METTL24: variants seen among roughly 807,000 people sequenced by gnomAD.
METTL24 encodes the protein methyltransferase like 24.
METTL24 carries 29 observed loss-of-function variants against 32.7 expected under a neutral mutation model. The ratio of observed to expected loss-of-function variants is 0.89; its 90% CI spans 0.66 to 1.21. METTL24 has a LOEUF of 1.21. METTL24 is among the 50% of genes most tolerant of loss of function. The pLI is 0.00. For missense variants in METTL24, 439 were observed against 468.1 expected (o/e 0.94, Z 0.57); for synonymous variants, 163 against 179.5 (o/e 0.91, Z 0.73).
rs545674130 is a variant in METTL24 at position 110,349,435 on chromosome 6, C to G, written c.318+8520G>C. On this transcript the variant is annotated intron_variant, in intron 1 of 4. Transcript: ENST00000338882. ...ATGCAGTGACAGCACAGAGCAGCAC[C>G]CCACACCCGCAACAGATATCTGGCA... Among the ~76,000 whole-genome samples the G allele has an allele frequency of 1.3e-3, 198 of 151,320 alleles. 1 individual carries two copies. Among genetic ancestry groups the G allele is most frequent in the Non-Finnish European group, 4.0e-4 (27 of 68,026 alleles).
rs1268128866 is a variant in METTL24 at position 110,299,077 on chromosome 6, T to C, written c.631A>G (p.Ser211Gly). ...NGCEVHRFDP[S>G]VKSAHILESQ... The stretch of plus-strand genomic sequence containing the variant: ...TCCAGAATGTGAGCTGACTTGACAC[T>C]AGGATCAAAACGATGCACTTCACAT... Residue 211 changes from serine (S) to glycine (G), a missense_variant, in exon 4 of 5, where the codon AGT becomes GGT. Coordinates refer to ENST00000338882, the MANE Select transcript of METTL24 (RefSeq NM_001123364.3). The C allele has an allele frequency of 1.9e-6, 3 of 1,614,158 alleles. No individual in the cohort carries two copies. Among genetic ancestry groups the C allele is most frequent in the Non-Finnish European group, 2.5e-6 (3 of 1,180,028 alleles).
intron 4 of METTL24, among the ~76,000 whole-genome samples, chr6:110,258,278 C>T (rs543246997): frequency 1.3e-5 from 2 of 152,136 alleles, no homozygotes; most frequent in Non-Finnish European, 2.9e-5. Context: ...AAATTTGGTA[C>T]AAGAAATATA....
intron 1 of METTL24, among the ~76,000 whole-genome samples, chr6:110,352,633 G>C (rs1372045201): frequency 2.0e-5 from 3 of 150,348 alleles, no homozygotes; most frequent in African/African-American, 7.4e-5. Flanking sequence ...CATTAATGGA[G>C]CTCATGTGAG....
intron 2 of METTL24, among the ~76,000 whole-genome samples, chr6:110,320,780 C>A (rs1771917908): frequency 6.6e-6 from 1 of 152,090 alleles, no homozygotes; most frequent in Non-Finnish European, 1.5e-5. Context: ...GGTTAATAAC[C>A]ATTCTATACT....
At chr6:110,344,348 T>C (rs757946617) in intron 1 of METTL24, among the ~76,000 whole-genome samples, 5 of 152,148 alleles carry the variant, frequency 3.3e-5, no homozygotes, top group Non-Finnish European at 7.3e-5. Context: ...AAGTTTTTTC[T>C]CACCCACCCT....
intron 4 of METTL24, among the ~76,000 whole-genome samples, chr6:110,265,312 A>G (rs1289936150): frequency 2.0e-5 from 3 of 152,162 alleles, no homozygotes; most frequent in Non-Finnish European, 2.9e-5. Flanking sequence ...ATTAATACAA[A>G]TTCAGATCCT....
chr6:110,267,649 TG>T (rs1199593361), intron 4 of METTL24, among the ~76,000 whole-genome samples: 1 of 152,222 alleles, frequency 6.6e-6, no homozygotes, highest in African/African-American at 2.4e-5. Flanking sequence ...TTTAAGCATT[TG>T]CTCTGTGTTC....
intron 4 of METTL24, among the ~76,000 whole-genome samples, chr6:110,281,534 AG>A (rs1771135840): frequency 1.3e-5 from 2 of 152,008 alleles, no homozygotes; most frequent in Non-Finnish European, 2.9e-5. Context: ...CCAGCCACTA[AG>A]GAGGCTGAGG....
At chr6:110,296,567 A>G (rs1463558713) in intron 4 of METTL24, among the ~76,000 whole-genome samples, 1 of 152,362 alleles carries the variant, frequency 6.6e-6, no homozygotes, top group East Asian at 1.9e-4. Context: ...TTCTGTCACT[A>G]TCTCAGAATA....
intron 1 of METTL24, among the ~76,000 whole-genome samples, chr6:110,323,592 G>A (rs1299273996): frequency 2.6e-5 from 4 of 152,246 alleles, no homozygotes; most frequent in Non-Finnish European, 4.4e-5. Flanking sequence ...ATGGTCTGGA[G>A]GAAACAAAAA....
At chr6:110,295,794 A>AAAGAAAGGAAGGAAGG (rs375674093) in intron 4 of METTL24, among the ~76,000 whole-genome samples, 2 of 136,244 alleles carry the variant, frequency 1.5e-5, no homozygotes, top group African/African-American at 6.0e-5. Context: ...AGAAAGAAAG[A>AAAGAAAGGAAGGAAGG]AAGGAAGGAA....
intron 4 of METTL24, among the ~76,000 whole-genome samples, chr6:110,259,489 C>T (rs999948327): frequency 6.6e-6 from 1 of 152,360 alleles, no homozygotes; most frequent in East Asian, 1.9e-4. Flanking sequence ...TGGGTGGAGC[C>T]CACCACAGCT....
At chr6:110,302,431 A>T (rs1337436266) in intron 3 of METTL24, among the ~76,000 whole-genome samples, 2 of 136,826 alleles carry the variant, frequency 1.5e-5, no homozygotes, top group African/African-American at 5.9e-5. Context: ...ATATACACAC[A>T]CATATGTGTA....
At chr6:110,340,061 T>G (rs1772321688) in intron 1 of METTL24, among the ~76,000 whole-genome samples, 2 of 152,204 alleles carry the variant, frequency 1.3e-5, no homozygotes, top group African/African-American at 4.8e-5. Context: ...GAACAGGCAC[T>G]TATTTACAAA....
chr6:110,265,845 C>CTCCTCT lies in METTL24; in HGVS notation c.787-19591_787-19586dup. On this transcript the variant is annotated intron_variant, in intron 4 of 4. Transcript: ENST00000338882. The stretch of plus-strand genomic sequence containing the variant: ...AGAAAATTTTTCTTTTTTATTCCTC[C>CTCCTCT]TCCTCTTCCTCTTCCTCCTCCTCCT... Among the ~76,000 whole-genome samples the CTCCTCT allele has an allele frequency of 2.0e-5, 3 of 151,790 alleles. No homozygotes were observed. In the Middle Eastern group the frequency reaches 0.01, roughly 516 times the overall value.
At chr6:110,283,799 A>G (rs1771176397) in intron 4 of METTL24, among the ~76,000 whole-genome samples, 3 of 152,200 alleles carry the variant, frequency 2.0e-5, no homozygotes, top group Admixed American at 1.3e-4. Context: ...TAGAATCACC[A>G]TGTGATCCAC....
At chr6:110,258,425 G>A (rs913166238) in intron 4 of METTL24, among the ~76,000 whole-genome samples, 1 of 152,108 alleles carries the variant, frequency 6.6e-6, no homozygotes, top group Non-Finnish European at 1.5e-5. Context: ...CCTTATACTG[G>A]ACCTTATGCT....
At chr6:110,257,949 C>T (rs927648781) in intron 4 of METTL24, among the ~76,000 whole-genome samples, 8 of 152,200 alleles carry the variant, frequency 5.3e-5, no homozygotes, top group Non-Finnish European at 1.2e-4. Flanking sequence ...TGTCTGTGCA[C>T]ATAAGCACTT....
rs960108133 is a variant in METTL24 at position 110,251,322 on chromosome 6, G to GA, written c.787-5063dup. 5.9e-5 allele frequency among the ~76,000 whole-genome samples: 9 copies of GA among 152,160 alleles called. No individual in the cohort carries two copies. The South Asian group carries it at 1.0e-3, about 18-fold the overall frequency. ...TTTACTGGACACAAATAATACTCCA[G>GA]AAAAAATGAATAATAAAGCCTTTAT... On this transcript the variant is annotated intron_variant, in intron 4 of 4. Transcript: ENST00000338882.
Sources: allele counts gnomAD v4.1 joint callset (sites outside exome capture counted in the v4.1 genomes callset), GRCh38; gene constraint gnomAD v4.1.1; transcripts MANE v1.5; gene names NCBI Gene and HGNC (gene_info 2026-07-23, HGNC 2026-07-21).